Variants in TCAF1 observed in about 807,000 individuals in gnomAD.
TCAF1 encodes TRPM8 channel associated factor 1.
A neutral mutation model predicts 27.3 loss-of-function variants in TCAF1; 4 were observed. The observed-to-expected ratio is 0.15, with a 90% confidence interval of 0.07 to 0.34. TCAF1 has a LOEUF of 0.34. TCAF1 is among the 10% of genes least tolerant of loss of function. The pLI is 1.00. For synonymous variants in TCAF1, 105 were observed against 167.1 expected, an observed-to-expected ratio of 0.63 and a Z score of 2.87; for missense variants, 257 against 425.8, an observed-to-expected ratio of 0.60 and a Z score of 3.49.
At chr7:143,858,342 CGGCCAA>C (rs1270470111) in intron 7 of TCAF1, among the ~76,000 whole-genome samples, 1 of 81,296 alleles carries the variant, frequency 1.2e-5, no homozygotes, top group African/African-American at 5.6e-5. Flanking sequence ...CTCTGAGGCA[CGGCCAA>C]GGCATAGTGA....
At chr7:143,877,050 A>G (rs908561373) in intron 1 of TCAF1, among the ~76,000 whole-genome samples, 10 of 152,196 alleles carry the variant, frequency 6.6e-5, no homozygotes, top group African/African-American at 2.4e-4. Flanking sequence ...TTGGAAACAC[A>G]GGGGAGAATG....
chr7:143,883,467 A>G (rs1270921028), intron 1 of TCAF1, among the ~76,000 whole-genome samples: 1 of 150,796 alleles, frequency 6.6e-6, no homozygotes, highest in Admixed American at 6.6e-5. Context: ...TTTTCGGTGT[A>G]CAGTTCAAAT....
chr7:143,899,685 TAGAG>T (rs1238856631), intron 1 of TCAF1, among the ~76,000 whole-genome samples: 22 of 152,050 alleles, frequency 1.4e-4, no homozygotes, highest in Admixed American at 6.5e-4. Context: ...TATAAAGACA[TAGAG>T]AGAAAGAAAA....
At chr7:143,901,552 C>T (rs970502612) in intron 1 of TCAF1, among the ~76,000 whole-genome samples, 3 of 152,274 alleles carry the variant, frequency 2.0e-5, no homozygotes, top group Non-Finnish European at 2.9e-5. Context: ...CAAACCCACA[C>T]TGCGCCCGTG....
At position 143,852,805 on chromosome 7, in the gene TCAF1, T is replaced by C. The variant is rs1811384714; in HGVS notation, c.*1328A>G. ...ATATTGTGTCTAGATGTAGATTGTA[T>C]TGGGCCCTCTCAATCTGGAGACTTA... On this transcript the variant is annotated 3_prime_UTR_variant, in exon 9 of 9. Transcript: ENST00000479870. 6.7e-6 allele frequency: 1 copy of C among 150,222 alleles called. No individual in the cohort carries two copies. Among genetic ancestry groups the C allele is most frequent in the Non-Finnish European group, 1.5e-5 (1 of 67,834 alleles). The allele number at this position is 150,222 out of a possible 1,614,324, so 9.3% of individuals were successfully genotyped here. A position where few individuals can be genotyped will look rare whatever the true frequency, so the allele number is the denominator to read the frequency against.
chr7:143,859,964 A>AT lies in TCAF1; in HGVS notation c.2167+243dup, dbSNP rs1208627013. Among the ~76,000 whole-genome samples the AT allele has an allele frequency of 4.6e-3, 239 of 51,816 alleles. 40 individuals are homozygous for AT. The highest frequency in any genetic ancestry group is 0.011 in the South Asian group (11 of 1,034). The allele number at this position is 51,816 out of a possible 152,430, so 34.0% of individuals were successfully genotyped here. ...TTATATAATATATATTACGGAATAT[A>AT]TATTATATAATATATATTATATAAT... is the stretch of plus-strand genomic sequence containing the variant. On this transcript the variant is annotated intron_variant, in intron 6 of 8. Transcript: ENST00000479870.
intron 1 of TCAF1, among the ~76,000 whole-genome samples, chr7:143,893,843 T>C (rs561496848): frequency 2.0e-5 from 3 of 151,772 alleles, no homozygotes; most frequent in Non-Finnish European, 4.4e-5. Flanking sequence ...AGACTGAAAG[T>C]AAACTATTTC....
chr7:143,893,690 A>C (rs1813750417), intron 1 of TCAF1, among the ~76,000 whole-genome samples: 2 of 152,030 alleles, frequency 1.3e-5, no homozygotes, highest in South Asian at 4.1e-4. Context: ...CACAATGGAA[A>C]TTAGAAAATA....
intron 1 of TCAF1, among the ~76,000 whole-genome samples, chr7:143,884,796 G>A (rs1451515610): frequency 6.6e-6 from 1 of 152,092 alleles, no homozygotes; most frequent in East Asian, 1.9e-4. Flanking sequence ...GTGATAAAAT[G>A]TCAGCATATA....
rs1342192744 is a variant in TCAF1 at position 143,851,886 on chromosome 7, CTTTGTCAGCAT to C, written c.*2236_*2246del. 6.6e-6 allele frequency: 1 copy of C among 152,114 alleles called. No homozygotes were observed. The highest frequency in any genetic ancestry group is 1.5e-5 in the Non-Finnish European group (1 of 68,052). The allele number at this position is 152,114 out of a possible 1,614,324, so 9.4% of individuals were successfully genotyped here. ...CTCAATCTCTTTCTGCTTTCTTTCC[CTTTGTCAGCAT>C]TAATTACTTTCAACTTCAGTTCTGA... On this transcript the variant is annotated 3_prime_UTR_variant, in exon 9 of 9. Coordinates refer to ENST00000479870, the MANE Select transcript of TCAF1 (RefSeq NM_014719.3).
At chr7:143,901,497 G>A (rs930711786) in intron 1 of TCAF1, among the ~76,000 whole-genome samples, 1 of 152,064 alleles carries the variant, frequency 6.6e-6, no homozygotes, top group Admixed American at 6.5e-5. Flanking sequence ...CTGAATCCCC[G>A]CGCCGCTCTC....
rs1324792557 is a variant in TCAF1, at chr7:143,851,395, T to G, written c.*2738A>C. 11 of 152,306 alleles carry G rather than the reference T, an allele frequency of 7.2e-5. No individual in the cohort carries two copies. Among genetic ancestry groups the G allele is most frequent in the Non-Finnish European group, 1.6e-4 (11 of 68,068 alleles). The allele number at this position is 152,306 out of a possible 1,614,324, so 9.4% of individuals were successfully genotyped here. On this transcript the variant is annotated 3_prime_UTR_variant, in exon 9 of 9. Coordinates refer to ENST00000479870, the MANE Select transcript of TCAF1 (RefSeq NM_014719.3). ...ACTGGAAGATTTTTATTTGGGTTTATTAAAAATTTTTTCAAAGTAATACAT... is the reference window on the plus strand; with the variant it reads ...ACTGGAAGATTTTTATTTGGGTTTAGTAAAAATTTTTTCAAAGTAATACAT...
intron 1 of TCAF1, among the ~76,000 whole-genome samples, chr7:143,896,656 C>T (rs1014975469): frequency 6.6e-6 from 1 of 151,996 alleles, no homozygotes; most frequent in African/African-American, 2.4e-5. Context: ...AAAGAAACTT[C>T]ATATGGCCAA....
intron 1 of TCAF1, among the ~76,000 whole-genome samples, chr7:143,892,510 T>C (rs928863460): frequency 3.3e-5 from 5 of 150,898 alleles, no homozygotes; most frequent in Admixed American, 6.6e-5. Flanking sequence ...ACTGTGCAAA[T>C]TGGTAGACTT....
chr7:143,888,273 T>G (rs546314698), intron 1 of TCAF1, among the ~76,000 whole-genome samples: 1 of 152,100 alleles, frequency 6.6e-6, no homozygotes, highest in African/African-American at 2.4e-5. Context: ...GCAGGAAACA[T>G]TGAAGGAAGC....
chr7:143,884,523 G>A (rs1813287898), intron 1 of TCAF1, among the ~76,000 whole-genome samples: 1 of 152,036 alleles, frequency 6.6e-6, no homozygotes, highest in African/African-American at 2.4e-5. Flanking sequence ...GTCCCTTCCG[G>A]GTCTGCAATG....
rs1229710456 is a variant in TCAF1, at chr7:143,859,864, C to CATATATATAT, written c.2167+343_2167+344insATATATATAT. 1.2e-3 allele frequency among the ~76,000 whole-genome samples: 87 copies of CATATATATAT among 74,840 alleles called. 2 individuals are homozygous for CATATATATAT. The highest frequency in any genetic ancestry group is 3.7e-3 in the African/African-American group (80 of 21,830). 49.1% of individuals were successfully genotyped at this position (74,840 alleles called of 152,430 possible). On this transcript the variant is annotated intron_variant, in intron 6 of 8. Transcript: ENST00000479870. ...ATGCTGACCTAAACTGTTTTATATA[C>CATATATATAT]ACATATACATATATACATATATATA... is the stretch of plus-strand genomic sequence containing the variant.
chr7:143,892,881 C>G (rs561456626), intron 1 of TCAF1, among the ~76,000 whole-genome samples: 1 of 152,184 alleles, frequency 6.6e-6, no homozygotes, highest in Admixed American at 6.5e-5. Flanking sequence ...GGAGGCCAGC[C>G]CTCACCAGAC....
chr7:143,898,389 C>T (rs906356841), intron 1 of TCAF1, among the ~76,000 whole-genome samples: 6 of 151,886 alleles, frequency 4.0e-5, no homozygotes, highest in South Asian at 2.1e-4. Flanking sequence ...GAATTAGAAA[C>T]GAATAAACAA....
Sources: allele counts gnomAD v4.1 joint callset (sites outside exome capture counted in the v4.1 genomes callset), GRCh38; gene constraint gnomAD v4.1.1; transcripts MANE v1.5; gene names NCBI Gene and HGNC (gene_info 2026-07-23, HGNC 2026-07-21).